The following PRSS23 variants were observed in gnomAD, a reference collection of about 807,000 sequenced individuals.
PRSS23 encodes serine protease 23, also known as protease, serine 23.
A neutral mutation model predicts 34.7 loss-of-function variants in PRSS23; 25 were observed. That is an observed-to-expected ratio of 0.72 (90% CI 0.53 to 1.01). The LOEUF (loss-of-function observed/expected upper bound fraction) is 1.01, where lower values mean the gene tolerates loss of function less well. Among genes scored for constraint, PRSS23 ranks in the 50% least tolerant of loss-of-function variants. The probability of loss-of-function intolerance (pLI) is 0.00; values close to 1 mark genes in which losing one functional copy is unlikely to be tolerated. For synonymous variants in PRSS23, 176 were observed against 186.6 expected (o/e 0.94, Z 0.46); for missense variants, 445 against 475.6 (o/e 0.94, Z 0.60).
chr11:86,853,110 T>C (rs1484137499), intron 2 of PRSS23, among the ~76,000 whole-genome samples: 1 of 151,748 alleles, frequency 6.6e-6, no homozygotes, highest in African/African-American at 2.4e-5. Context: ...TGCCTCAGCC[T>C]CCCAAAGTAC....
exon 3 of PRSS23, chr11:86,952,150 G>A (rs772974099): frequency 1.9e-6 from 3 of 1,612,590 alleles, no homozygotes; most frequent in Non-Finnish European, 2.5e-6. Flanking sequence ...AGCCACACTT[G>A]AGCACACAGT....
At chr11:86,869,740 A>C (rs1309703461) in intron 2 of PRSS23, among the ~76,000 whole-genome samples, 2 of 152,208 alleles carry the variant, frequency 1.3e-5, no homozygotes, top group Admixed American at 6.5e-5. Context: ...TTGTCCCACC[A>C]GGAGATGGAG....
In PRSS23 at chr11:86,837,055, A is replaced by G. The variant is rs1590887140; in HGVS notation, c.206+13462A>G. 1.3e-5 allele frequency: 2 copies of G among 152,342 alleles called. 1 individual carries two copies. The allele number at this position is 152,342 out of a possible 1,614,324, so 9.4% of individuals were successfully genotyped here. A position where few individuals can be genotyped will look rare whatever the true frequency, so the allele number is the denominator to read the frequency against. On this transcript the variant is annotated intron_variant, in intron 2 of 2. Coordinates refer to the PRSS23 transcript ENST00000533902. ...TGTACACACCTGCCTTAGAGACACT[A>G]GATTCAAGAATGTTCCAAGAACCAG...
intron 2 of PRSS23, among the ~76,000 whole-genome samples, chr11:86,846,118 C>A (rs1422567128): frequency 6.6e-6 from 1 of 152,178 alleles, no homozygotes; most frequent in Non-Finnish European, 1.5e-5. Context: ...TGTGCTTTCA[C>A]TCAGCTCAAT....
intron 1 of PRSS23, among the ~76,000 whole-genome samples, chr11:86,818,560 C>G (rs1002454627): frequency 3.9e-5 from 6 of 152,112 alleles, no homozygotes; most frequent in African/African-American, 1.4e-4. Flanking sequence ...TCAGACTAAA[C>G]GATCTCAGAT....
chr11:86,801,636 G>A (rs1761031108), intron 1 of PRSS23, among the ~76,000 whole-genome samples: 1 of 152,226 alleles, frequency 6.6e-6, no homozygotes, highest in Admixed American at 6.5e-5. Context: ...GAGGTCAGCT[G>A]TGGTCAAAAG....
At chr11:86,822,838 G>A (rs560329050) in intron 1 of PRSS23, among the ~76,000 whole-genome samples, 58 of 152,286 alleles carry the variant, frequency 3.8e-4, no homozygotes, top group African/African-American at 1.3e-3. Flanking sequence ...TCTTTGCAGC[G>A]TGGGCAAGGA....
At chr11:86,861,600 C>T (rs1590899656) in intron 2 of PRSS23, among the ~76,000 whole-genome samples, 3 of 151,372 alleles carry the variant, frequency 2.0e-5, no homozygotes, top group Non-Finnish European at 2.9e-5. Context: ...TGATATTGTT[C>T]GTACTATCCG....
intron 2 of PRSS23, among the ~76,000 whole-genome samples, chr11:86,841,028 C>G (rs1282123883): frequency 6.6e-6 from 1 of 152,098 alleles, no homozygotes; most frequent in Non-Finnish European, 1.5e-5. Flanking sequence ...AAAATTGACA[C>G]CCTGACATCA....
intron 2 of PRSS23, among the ~76,000 whole-genome samples, chr11:86,843,227 G>T (rs893785029): frequency 4.6e-5 from 7 of 152,152 alleles, no homozygotes; most frequent in Non-Finnish European, 1.0e-4. Context: ...TATGTAGAAA[G>T]CTGAAACTGG....
At chr11:86,870,888 A>G (rs920041404) in intron 2 of PRSS23, among the ~76,000 whole-genome samples, 1 of 152,210 alleles carries the variant, frequency 6.6e-6, no homozygotes, top group African/African-American at 2.4e-5. Flanking sequence ...CCTAATCTGC[A>G]ATCATTCTGT....
chr11:86,926,314 G>A (rs1161124875), intron 2 of PRSS23, among the ~76,000 whole-genome samples: 1 of 152,176 alleles, frequency 6.6e-6, no homozygotes, highest in Admixed American at 6.5e-5. Flanking sequence ...AGTGAGCCAA[G>A]ATCGCACCAC....
chr11:86,876,060 C>A (rs1483967282), intron 2 of PRSS23, among the ~76,000 whole-genome samples: 1 of 152,188 alleles, frequency 6.6e-6, no homozygotes, highest in Non-Finnish European at 1.5e-5. Flanking sequence ...GTCACTCTGC[C>A]TTTCTGAGAC....
chr11:86,820,401 T>C (rs1948243846), intron 1 of PRSS23, among the ~76,000 whole-genome samples: 1 of 152,220 alleles, frequency 6.6e-6, no homozygotes, highest in African/African-American at 2.4e-5. Flanking sequence ...TCAGCTAAAG[T>C]AGTTTGAGGA....
At chr11:86,861,082 A>T (rs1948609967) in intron 2 of PRSS23, among the ~76,000 whole-genome samples, 1 of 151,798 alleles carries the variant, frequency 6.6e-6, no homozygotes, top group Non-Finnish European at 1.5e-5. Flanking sequence ...AACGGGAAAG[A>T]TAATATTACT....
At chr11:86,865,006 A>T (rs913169004) in intron 2 of PRSS23, among the ~76,000 whole-genome samples, 1 of 152,250 alleles carries the variant, frequency 6.6e-6, no homozygotes, top group Non-Finnish European at 1.5e-5. Context: ...GATCCATAAC[A>T]TAACCACATC....
chr11:86,840,221 A>G (rs1206351681), intron 2 of PRSS23, among the ~76,000 whole-genome samples: 1 of 152,208 alleles, frequency 6.6e-6, no homozygotes, highest in Non-Finnish European at 1.5e-5. Context: ...ATGTGCAAAG[A>G]TGCACATAGG....
intron 2 of PRSS23, among the ~76,000 whole-genome samples, chr11:86,901,055 G>A (rs1354886276): frequency 6.6e-6 from 1 of 152,038 alleles, no homozygotes; most frequent in Admixed American, 6.5e-5. Context: ...AAAGTGCTGG[G>A]ATTACAGGCA....
chr11:86,854,464 C>G (rs544773401), intron 2 of PRSS23, among the ~76,000 whole-genome samples: 1 of 152,254 alleles, frequency 6.6e-6, no homozygotes, highest in African/African-American at 2.4e-5. Flanking sequence ...CATGGGTTAT[C>G]TTTTCACTCA....
Sources: gnomAD v4.1 joint callset for allele counts (sites outside exome capture counted in the v4.1 genomes callset) on GRCh38, gnomAD v4.1.1 for gene constraint, MANE v1.5 for transcripts, NCBI Gene and HGNC (gene_info 2026-07-23, HGNC 2026-07-21) for gene names.